The following NR3C2 variants were observed in gnomAD, a reference collection of about 807,000 sequenced individuals.
NR3C2 encodes mineralocorticoid receptor.
A neutral mutation model predicts 86.4 loss-of-function variants in NR3C2; 15 were observed. That is an observed-to-expected ratio of 0.17 (90% confidence interval 0.12 to 0.27). The LOEUF (loss-of-function observed/expected upper bound fraction) is 0.27. NR3C2 is among the 10% of genes least tolerant of loss of function. The pLI is 1.00. For synonymous variants in NR3C2, 458 were observed against 450.5 expected (o/e 1.02, Z -0.21); for missense variants, 960 against 1,195.6 (o/e 0.80, Z 2.91).
At chr4:148,145,009 AGGCGACCCTCAG>A (rs897071352) in intron 6 of NR3C2, among the ~76,000 whole-genome samples, 5 of 152,202 alleles carry the variant, frequency 3.3e-5, no homozygotes, top group Non-Finnish European at 5.9e-5. Flanking sequence ...CAGGAATGTC[AGGCGACCCTCAG>A]GTCAGGCAGT....
intron 2 of NR3C2, among the ~76,000 whole-genome samples, chr4:148,322,018 G>A (rs974979213): frequency 3.3e-4 from 50 of 152,250 alleles, no homozygotes; most frequent in African/African-American, 1.2e-3. Flanking sequence ...GGCTGGTACT[G>A]GTTGTTCCTT....
intron 8 of NR3C2, among the ~76,000 whole-genome samples, chr4:148,101,495 G>C (rs1176756471): frequency 6.6e-6 from 1 of 152,142 alleles, no homozygotes; most frequent in Admixed American, 6.5e-5. Context: ...GGAGAGGAAG[G>C]GTTCAGGACC....
At chr4:148,323,221 T>A (rs12511445) in intron 2 of NR3C2, among the ~76,000 whole-genome samples, 82,847 of 124,258 alleles carry the variant, frequency 0.67, 28,450 homozygotes, top group East Asian at 0.86. Context: ...CCACTTGAGG[T>A]GGCAGTCTGC....
intron 2 of NR3C2, chr4:148,368,446 A>G (rs1746258504): frequency 6.6e-6 from 1 of 152,122 alleles, no homozygotes; most frequent in Non-Finnish European, 1.5e-5. Flanking sequence ...TAGCTTCCCC[A>G]CCCTGTCTCT....
At chr4:148,336,663 CAG>C (rs145783305) in intron 2 of NR3C2, among the ~76,000 whole-genome samples, 1,889 of 151,016 alleles carry the variant, frequency 0.013, 39 homozygotes, top group African/African-American at 0.044. Flanking sequence ...CCTGACAGAA[CAG>C]AGTTTTCTAG....
chr4:148,413,472 C>T (rs1218613983), intron 2 of NR3C2, among the ~76,000 whole-genome samples: 1 of 151,792 alleles, frequency 6.6e-6, no homozygotes, highest in Non-Finnish European at 1.5e-5. Flanking sequence ...AAACCTTAAG[C>T]AGTAAAAATT....
At chr4:148,392,010 T>A (rs1468165764) in intron 2 of NR3C2, among the ~76,000 whole-genome samples, 1 of 151,986 alleles carries the variant, frequency 6.6e-6, no homozygotes, top group African/African-American at 2.4e-5. Flanking sequence ...GATAGTAAAT[T>A]TTTTTTCAAT....
chr4:148,148,712 C>T (rs933487170), intron 6 of NR3C2, among the ~76,000 whole-genome samples: 3 of 152,176 alleles, frequency 2.0e-5, no homozygotes, highest in Non-Finnish European at 4.4e-5. Flanking sequence ...GAAGACTTTC[C>T]TGACTAGATC....
In NR3C2 at chr4:148,336,275, G is replaced by A. The variant is rs143509834; in HGVS notation, c.1758-76158C>T. On this transcript the variant is annotated intron_variant, in intron 2 of 8. Transcript: ENST00000358102. ...AATAGGGAAGACCTAAGGCAGTGGC[G>A]GCACTCTAGGAAAAAGGGCTACATG... 1.9e-3 allele frequency among the ~76,000 whole-genome samples: 296 copies of A among 152,174 alleles called. 3 individuals carry two copies. Among genetic ancestry groups the A allele is most frequent in the Non-Finnish European group, 2.6e-3 (176 of 67,988 alleles).
At chr4:148,443,072 C>T (rs1750430551), upstream of NR3C2, 4 of 678,894 alleles carry the variant, frequency 5.9e-6, no homozygotes, top group Admixed American at 6.3e-5. Flanking sequence ...TTTCCACTGT[C>T]TCCAGAGTTA....
At chr4:148,254,218 G>A (rs1163414714) in intron 3 of NR3C2, among the ~76,000 whole-genome samples, 2 of 152,146 alleles carry the variant, frequency 1.3e-5, no homozygotes, top group Non-Finnish European at 2.9e-5. Flanking sequence ...TGAGCTTATC[G>A]TTCTGCTGCA....
At chr4:148,162,825 G>A (rs2149776703) in intron 4 of NR3C2, among the ~76,000 whole-genome samples, 1 of 152,256 alleles carries the variant, frequency 6.6e-6, no homozygotes, top group East Asian at 1.9e-4. Flanking sequence ...TCCTACTTGG[G>A]CCCTGTCACT....
intron 2 of NR3C2, among the ~76,000 whole-genome samples, chr4:148,274,087 G>GA (rs550801399): frequency 0.06 from 6,531 of 108,740 alleles, 459 homozygotes; most frequent in African/African-American, 0.19. Context: ...CAGCTCATGA[G>GA]AAAAAAAAAA....
chr4:148,129,645 G>C (rs1380193956), intron 6 of NR3C2, among the ~76,000 whole-genome samples: 3 of 152,054 alleles, frequency 2.0e-5, no homozygotes, highest in African/African-American at 7.2e-5. Context: ...ACCCAGGCTA[G>C]AGTGCAGTGG....
intron 8 of NR3C2, among the ~76,000 whole-genome samples, chr4:148,101,733 CAT>C (rs1385619039): frequency 6.6e-6 from 1 of 152,200 alleles, no homozygotes; most frequent in Non-Finnish European, 1.5e-5. Context: ...CAGGCTTAAA[CAT>C]ATAAACACAA....
chr4:148,274,793 G>T (rs1446004632), intron 2 of NR3C2, among the ~76,000 whole-genome samples: 2 of 150,622 alleles, frequency 1.3e-5, no homozygotes, highest in African/African-American at 4.9e-5. Context: ...CACCTCCTGG[G>T]TTCACGTGAT....
intron 6 of NR3C2, among the ~76,000 whole-genome samples, chr4:148,146,295 A>C (rs547481388): frequency 3.7e-4 from 56 of 152,176 alleles, no homozygotes; most frequent in African/African-American, 1.3e-3. Flanking sequence ...GGGAAGGGAC[A>C]CTGGGGCTCG....
At chr4:148,389,440 T>A (rs1747427998) in intron 2 of NR3C2, among the ~76,000 whole-genome samples, 1 of 152,106 alleles carries the variant, frequency 6.6e-6, no homozygotes, top group Non-Finnish European at 1.5e-5. Flanking sequence ...ATTTGGAAAA[T>A]TTACCGTCTC....
intron 8 of NR3C2, among the ~76,000 whole-genome samples, chr4:148,103,114 T>C (rs537278097): frequency 2.0e-5 from 3 of 152,304 alleles, no homozygotes; most frequent in African/African-American, 4.8e-5. Context: ...CTTCCATCTA[T>C]GTGGCAAACC....
Sources: gnomAD v4.1 joint callset for allele counts (sites outside exome capture counted in the v4.1 genomes callset) on GRCh38, gnomAD v4.1.1 for gene constraint, MANE v1.5 for transcripts, NCBI Gene and HGNC (gene_info 2026-07-23, HGNC 2026-07-21) for gene names.